VWA5A: variants seen among roughly 807,000 people sequenced by gnomAD.
VWA5A encodes von Willebrand factor A domain containing 5A.
A neutral mutation model predicts 84.6 loss-of-function variants in VWA5A; 77 were observed. That is an observed-to-expected ratio of 0.91 (90% CI 0.76 to 1.10). VWA5A has a LOEUF of 1.10. Ranked by LOEUF, VWA5A falls within the 50% of genes least tolerant of loss-of-function variation. VWA5A has a pLI of 0.00. For missense variants in VWA5A, 973 were observed against 963.0 expected (o/e 1.01, Z -0.14); for synonymous variants, 334 against 350.1 (o/e 0.95, Z 0.51).
rs181934321 is a variant in VWA5A at position 124,131,262 on chromosome 11, T to C, written c.1245-3658T>C. Among the ~76,000 whole-genome samples, 28 of 152,238 alleles carry C rather than the reference T, an allele frequency of 1.8e-4. No homozygotes were observed. In the East Asian group the frequency reaches 5.4e-3, roughly 29 times the overall value. On this transcript the variant is annotated intron_variant, in intron 11 of 18. Coordinates refer to ENST00000456829, the MANE Select transcript of VWA5A (RefSeq NM_001130142.2). ...ACTAAGTGATTAACGGTAATACAGATAGCATGGAGATGCTGGATAAAGAGG... is the reference window on the plus strand; with the variant it reads ...ACTAAGTGATTAACGGTAATACAGACAGCATGGAGATGCTGGATAAAGAGG...
chr11:124,117,851 A>G lies in VWA5A; in HGVS notation c.222A>G (p.Val74=), dbSNP rs150034934. ...CCTTGGTGGATGGGAAGAAAATTGT[A>G]GCAGAATTACAAGACAAGATGAAGG... is the stretch of plus-strand genomic sequence containing the variant. ...FEALVDGKKI[V]AELQDKMKAR... Residue 74 remains valine (V), a synonymous_variant, in exon 4 of 19, where the codon GTA becomes GTG. Transcript: ENST00000456829. The G allele has an allele frequency of 5.9e-5, 96 of 1,614,104 alleles. 1 individual carries two copies. The African/African-American group carries it at 1.1e-3, about 19-fold the overall frequency.
intron 7 of VWA5A, among the ~76,000 whole-genome samples, chr11:124,120,987 T>C (rs1864923266): frequency 6.6e-6 from 1 of 152,206 alleles, no homozygotes. Context: ...CTTTACAGTC[T>C]TGTGAATCCC....
rs143236253 is a variant in VWA5A at position 124,142,558 on chromosome 11, G to C, written c.2140G>C (p.Ala714Pro). ...LGMSLEEIMAAQPAELVDSSG... is the reference protein window; with the variant it reads ...LGMSLEEIMAPQPAELVDSSG... ...TATGAGTTTGGAAGAAATAATGGCT[G>C]CACAGCCTGCCGAGGTAAGATTCAA... Residue 714 changes from alanine to proline, a missense_variant, in exon 17 of 19, where the codon GCA (alanine) becomes CCA (proline). Ala to Pro is a conservative substitution (Grantham distance 27). Transcript: ENST00000456829. 9.9e-6 allele frequency: 16 copies of C among 1,614,006 alleles called. No individual in the cohort carries two copies. In the African/African-American group the frequency reaches 2.0e-4, roughly 20 times the overall value.
intron 15 of VWA5A, 86 bp from the exon 16 acceptor site, chr11:124,141,512 G>A: frequency 3.3e-6 from 5 of 1,534,730 alleles, no homozygotes; most frequent in African/African-American, 1.4e-5. Context: ...GTGTGGATGG[G>A]GGGGTATGTA....
In VWA5A at chr11:124,136,630, T is replaced by A; in HGVS notation, c.1581T>A (p.Phe527Leu). The part of the protein sequence containing the change: ...CLKYTLQGKT[F>L]EDKVTFPLQP... Reference sequence around the variant, plus strand: ...AATATACACTCCAGGGCAAGACTTTTGAGGATAAGGTGACATTTCCTCTAC... The same window carrying A: ...AATATACACTCCAGGGCAAGACTTTAGAGGATAAGGTGACATTTCCTCTAC... The change falls in exon 14 of 19, where the codon TTT becomes TTA. Residue 527 changes from phenylalanine to leucine, a missense_variant. Phe to Leu is a conservative substitution (Grantham distance 22). Coordinates refer to ENST00000456829, the MANE Select transcript of VWA5A (RefSeq NM_001130142.2). The A allele has an allele frequency of 6.2e-7, 1 of 1,614,172 alleles. No individual in the cohort carries two copies. The highest frequency in any genetic ancestry group is 8.5e-7 in the Non-Finnish European group (1 of 1,180,020).
At chr11:124,132,557 T>G (rs1379063346) in intron 11 of VWA5A, among the ~76,000 whole-genome samples, 1 of 152,144 alleles carries the variant, frequency 6.6e-6, no homozygotes, top group African/African-American at 2.4e-5. Context: ...TGATATTGCC[T>G]AATAATGTTA....
Position 124,123,359 on chromosome 11 carries a change from C to T in VWA5A, c.931-7C>T. On this transcript the variant is annotated splice_polypyrimidine_tract_variant and splice_region_variant and intron_variant, in intron 8 of 18. Transcript: ENST00000456829. The stretch of plus-strand genomic sequence containing the variant: ...CACTCTGTCTCTTCATACTCTCTTA[C>T]CTTCAGGAAACACTGATTTTGCTGC... 6.2e-7 allele frequency: 1 copy of T among 1,612,574 alleles called. No homozygotes were observed. Among genetic ancestry groups the T allele is most frequent in the Non-Finnish European group, 8.5e-7 (1 of 1,179,418 alleles).
rs754068515 is a variant in VWA5A at position 124,142,538 on chromosome 11, G to A, written c.2120G>A (p.Ser707Asn). 5.0e-6 allele frequency: 8 copies of A among 1,614,176 alleles called. No homozygotes were observed. The highest frequency in any genetic ancestry group is 1.1e-5 in the South Asian group (1 of 91,082). Reference sequence around the variant, plus strand: ...GATCTAGCCAAGATCCTAGGTATGAGTTTGGAAGAAATAATGGCTGCACAG... The same window carrying A: ...GATCTAGCCAAGATCCTAGGTATGAATTTGGAAGAAATAATGGCTGCACAG... The part of the protein sequence containing the change: ...NEDLAKILGM[S>N]LEEIMAAQPA... Residue 707 changes from serine (S) to asparagine (N), a missense_variant, in exon 17 of 19, where the codon AGT becomes AAT. Ser to Asn is a conservative substitution (Grantham distance 46, BLOSUM62 1). Transcript: ENST00000456829.
At chr11:124,139,239 G>GTGTGTGTGTT (rs1860679642) in intron 15 of VWA5A, among the ~76,000 whole-genome samples, 2 of 151,726 alleles carry the variant, frequency 1.3e-5, no homozygotes, top group African/African-American at 4.8e-5. Context: ...GTGTGTGTGT[G>GTGTGTGTGTT]TGTGTGTGTG....
chr11:124,129,767 G>C (rs1025724521), intron 11 of VWA5A, among the ~76,000 whole-genome samples: 1 of 152,094 alleles, frequency 6.6e-6, no homozygotes, highest in African/African-American at 2.4e-5. Flanking sequence ...TAGTTTATTT[G>C]CATACAGCTG....
At position 124,142,509 on chromosome 11, in the gene VWA5A, T is replaced by C; in HGVS notation, c.2091T>C (p.Asn697=). 13 of 1,614,170 alleles carry C rather than the reference T, an allele frequency of 8.1e-6. No individual in the cohort carries two copies. The highest frequency in any genetic ancestry group is 1.1e-5 in the Non-Finnish European group (13 of 1,180,016). The stretch of plus-strand genomic sequence containing the variant: ...ATGCAAATGGTTCCTGGGATCTGAA[T>C]GAAGATCTAGCCAAGATCCTAGGTA... ...HQNANGSWDL[N]EDLAKILGMS... is the part of the protein sequence containing the mutation. Residue 697 remains asparagine (N), a synonymous_variant, in exon 17 of 19, where the codon AAT becomes AAC. Transcript: ENST00000456829.
chr11:124,137,228 G>T lies in VWA5A; in HGVS notation c.1839G>T (p.Leu613=), dbSNP rs201795301. The part of the protein sequence containing the change: ...LAHRDVPRPI[L]LGASAPLKIK... ...ATAGGGACGTCCCAAGGCCAATTCT[G>T]TTGGGTGCTTCTGCCCCATTGAAGA... is the stretch of plus-strand genomic sequence containing the variant. The change falls in exon 15 of 19, where the codon CTG becomes CTT. Residue 613 remains leucine (L), a synonymous_variant. Coordinates refer to ENST00000456829, the MANE Select transcript of VWA5A (RefSeq NM_001130142.2). The T allele has an allele frequency of 4.3e-5, 69 of 1,614,164 alleles. No individual in the cohort carries two copies. Among genetic ancestry groups the T allele is most frequent in the Admixed American group, 3.3e-4 (20 of 60,022 alleles).
At chr11:124,127,696 A>G (rs1865039652) in intron 11 of VWA5A, among the ~76,000 whole-genome samples, 1 of 152,098 alleles carries the variant, frequency 6.6e-6, no homozygotes, top group Non-Finnish European at 1.5e-5. Flanking sequence ...TGACTTTTTA[A>G]TGATCACCAT....
At chr11:124,118,048 G>C in intron 4 of VWA5A, 141 bp from the exon 5 acceptor site, 1 of 1,289,670 alleles carries the variant, frequency 7.8e-7, no homozygotes, top group Admixed American at 2.6e-5. Flanking sequence ...TTTGGGGAAA[G>C]AAATCAATCA....
chr11:124,140,872 A>C (rs1860712245), intron 15 of VWA5A, among the ~76,000 whole-genome samples: 1 of 152,198 alleles, frequency 6.6e-6, no homozygotes, highest in South Asian at 2.1e-4. Context: ...ACAGGCATGA[A>C]TCTCTGTGCC....
rs756980685 is a variant in VWA5A at position 124,142,570 on chromosome 11, G to A, written c.2152G>A (p.Glu718Lys). 2.4e-5 allele frequency: 38 copies of A among 1,613,996 alleles called. No individual in the cohort carries two copies. Among genetic ancestry groups the A allele is most frequent in the South Asian group, 5.5e-5 (5 of 91,060 alleles). ...AGAAATAATGGCTGCACAGCCTGCCGAGGTAAGATTCAATGGAAAAAGGAG... is the reference window on the plus strand; with the variant it reads ...AGAAATAATGGCTGCACAGCCTGCCAAGGTAAGATTCAATGGAAAAAGGAG... ...LEEIMAAQPA[E>K]LVDSSGWATI... The change falls in exon 17 of 19, where the codon GAG becomes AAG. Residue 718 changes from glutamate (E) to lysine (K), a missense_variant and splice_region_variant. Transcript: ENST00000456829.
At chr11:124,124,649 C>T (rs1864989914) in intron 11 of VWA5A, 1 of 842,244 alleles carries the variant, frequency 1.2e-6, no homozygotes, top group Non-Finnish European at 1.5e-6. Context: ...CAACTGGACT[C>T]ATTATCACAG....
intron 16 of VWA5A, among the ~76,000 whole-genome samples, chr11:124,142,094 G>T (rs1184499944): frequency 6.6e-6 from 1 of 152,120 alleles, no homozygotes; most frequent in African/African-American, 2.4e-5. Flanking sequence ...GCCTAGCTAG[G>T]TTCATTAGGA....
chr11:124,136,750 T>TTCCTTCCCTCCCTCCCTCCC (rs1555164302), intron 14 of VWA5A, 76 bp downstream of exon 14: 1 of 787,356 alleles, frequency 1.3e-6, no homozygotes, highest in African/African-American at 3.4e-5. Context: ...CCTTCCTTCA[T>TTCCTTCCCTCCCTCCCTCCC]TCCCTCCCTC....
Sources: gnomAD v4.1 joint callset for allele counts (sites outside exome capture counted in the v4.1 genomes callset) on GRCh38, gnomAD v4.1.1 for gene constraint, MANE v1.5 for transcripts, NCBI Gene and HGNC (gene_info 2026-07-23, HGNC 2026-07-21) for gene names.